Variants in SASH1 observed in about 807,000 individuals in gnomAD.
The protein encoded by SASH1 is SAM and SH3 domain-containing protein 1.
Under a neutral mutation model 125.2 loss-of-function variants are expected in SASH1, and 44 were observed. The observed-to-expected ratio is 0.35, with a 90% CI of 0.28 to 0.45. The LOEUF (loss-of-function observed/expected upper bound fraction) is 0.45. Ranked by LOEUF, SASH1 falls within the 20% of genes least tolerant of loss-of-function variation. SASH1 has a pLI of 1.00. For missense variants in SASH1, 1,426 were observed against 1,614.5 expected (o/e 0.88, Z 2.00); for synonymous variants, 639 against 649.1 (o/e 0.98, Z 0.24).
chr6:148,341,882 C>T (rs1781339126), upstream of SASH1, among the ~76,000 whole-genome samples: 1 of 152,128 alleles, frequency 6.6e-6, no homozygotes, highest in African/African-American at 2.4e-5. Context: ...TGCATTGTCA[C>T]CTTCCAAGGA....
chr6:148,309,169 G>A (rs180891783), intron 1 of SASH1, among the ~76,000 whole-genome samples: 5 of 152,036 alleles, frequency 3.3e-5, no homozygotes, highest in African/African-American at 1.2e-4. Flanking sequence ...TGCCTGGGGG[G>A]AAAAAAGAGT....
At chr6:148,539,443 A>G (rs567585268) in intron 16 of SASH1, among the ~76,000 whole-genome samples, 33 of 152,202 alleles carry the variant, frequency 2.2e-4, no homozygotes, top group African/African-American at 7.2e-4. Context: ...CTTACAAGTG[A>G]GACCGTGTGG....
rs5880793 is a variant in SASH1, at chr6:148,549,065, G to GAA, written c.*523_*524dup. The GAA allele has an allele frequency of 1.0e-3, 131 of 130,206 alleles. 1 individual carries two copies. The highest frequency in any genetic ancestry group is 4.2e-3 in the Middle Eastern group (1 of 238). The allele number at this position is 130,206 out of a possible 1,614,324, so 8.1% of individuals were successfully genotyped here. On this transcript the variant is annotated 3_prime_UTR_variant, in exon 20 of 20. Coordinates refer to ENST00000367467, the MANE Select transcript of SASH1 (RefSeq NM_015278.5). Reference sequence around the variant, plus strand: ...AAGTTAGAACATCTGGCTGCACCAGGAAAAAAAAAAAAAAAAAGTCCTGTT... The same window carrying GAA: ...AAGTTAGAACATCTGGCTGCACCAGGAAAAAAAAAAAAAAAAAAAGTCCTGTT...
chr6:148,405,755 AC>A (rs1467005491), intron 2 of SASH1, among the ~76,000 whole-genome samples: 1 of 151,650 alleles, frequency 6.6e-6, no homozygotes, highest in Non-Finnish European at 1.5e-5. Context: ...CATCTTAGAA[AC>A]CCCAGCTGGA....
chr6:148,536,320 G>GT (rs917017064), intron 16 of SASH1, among the ~76,000 whole-genome samples: 1 of 152,002 alleles, frequency 6.6e-6, no homozygotes, highest in Non-Finnish European at 1.5e-5. Context: ...AACAGCTGGG[G>GT]TTTTTGTTTT....
At chr6:148,363,845 A>G (rs1368941242) in intron 1 of SASH1, among the ~76,000 whole-genome samples, 1 of 152,142 alleles carries the variant, frequency 6.6e-6, no homozygotes, top group African/African-American at 2.4e-5. Context: ...AGGGTTAGCA[A>G]TGAAAGTAAA....
intron 8 of SASH1, among the ~76,000 whole-genome samples, chr6:148,496,703 G>A (rs999040526): frequency 5.9e-5 from 9 of 151,904 alleles, no homozygotes; most frequent in African/African-American, 1.7e-4. Context: ...ACCAGCATGG[G>A]ATCTACATAA....
chr6:148,514,286 A>G (rs753035734), intron 8 of SASH1, 38 bp from the exon 9 acceptor site: 1 of 1,589,342 alleles, frequency 6.3e-7, no homozygotes, highest in Non-Finnish European at 8.5e-7. Flanking sequence ...AGCTCGGAGC[A>G]ATTACCTGAT....
chr6:148,299,464 T>C (rs1444329508), intron 1 of SASH1, among the ~76,000 whole-genome samples: 1 of 151,926 alleles, frequency 6.6e-6, no homozygotes, highest in East Asian at 1.9e-4. Flanking sequence ...GTCAGGAGTT[T>C]GAGACCAGCC....
chr6:148,206,793 GCACACACACACA>G, the SASH1 span, among the ~76,000 whole-genome samples: 5 of 134,460 alleles, frequency 3.7e-5, no homozygotes, highest in African/African-American at 8.5e-5. Context: ...CCATCTCAAA[GCACACACACACA>G]CACACACACA....
intron 1 of SASH1, among the ~76,000 whole-genome samples, chr6:148,322,857 T>A (rs1250186504): frequency 6.6e-6 from 1 of 151,600 alleles, no homozygotes. Context: ...TGACCACCCA[T>A]CCAAATCATC....
the SASH1 span, among the ~76,000 whole-genome samples, chr6:148,204,687 C>G: frequency 3.3e-5 from 5 of 151,750 alleles, no homozygotes; most frequent in Non-Finnish European, 7.4e-5. Flanking sequence ...AGTGAAACTG[C>G]TTCTCAAAAA....
At chr6:148,329,055 A>C (rs1234948595) in intron 1 of SASH1, among the ~76,000 whole-genome samples, 1 of 152,198 alleles carries the variant, frequency 6.6e-6, no homozygotes, top group African/African-American at 2.4e-5. Context: ...CTGCCCCAAT[A>C]GGTGACCTCT....
At chr6:148,238,633 C>G in the SASH1 span, among the ~76,000 whole-genome samples, 3 of 49,408 alleles carry the variant, frequency 6.1e-5, no homozygotes, top group African/African-American at 9.6e-5. Context: ...CATACACACA[C>G]ACACACACAC....
chr6:148,297,687 G>C (rs181337603), intron 1 of SASH1, among the ~76,000 whole-genome samples: 1 of 152,204 alleles, frequency 6.6e-6, no homozygotes, highest in Non-Finnish European at 1.5e-5. Flanking sequence ...GAAATTAGCT[G>C]GGTGTGGCAG....
intron 1 of SASH1, among the ~76,000 whole-genome samples, chr6:148,302,686 AAT>A (rs1271420010): frequency 1.4e-5 from 2 of 146,076 alleles, no homozygotes; most frequent in African/African-American, 2.5e-5. Context: ...CACACGGAGA[AAT>A]ATATATATAC....
chr6:148,257,876 A>G, the SASH1 span, among the ~76,000 whole-genome samples: 3 of 151,932 alleles, frequency 2.0e-5, no homozygotes, highest in African/African-American at 4.8e-5. Flanking sequence ...TGATCCGCCC[A>G]CCTTGGCCTC....
intron 2 of SASH1, among the ~76,000 whole-genome samples, chr6:148,400,029 A>T (rs1784110574): frequency 6.6e-6 from 1 of 152,268 alleles, no homozygotes; most frequent in African/African-American, 2.4e-5. Flanking sequence ...TAGGCTATTT[A>T]AAAATGTTAA....
At position 148,323,501 on chromosome 6, in the gene SASH1, G is replaced by T. The variant is rs1051700748; in HGVS notation, n.74+51124G>T. Among the ~76,000 whole-genome samples the T allele has an allele frequency of 2.6e-5, 4 of 152,124 alleles. No individual in the cohort carries two copies. The East Asian group carries it at 7.7e-4, about 29-fold the overall frequency. ...GTGATTTCCTTTATCAAATACATAT[G>T]AATCTCTACTATGGGCCAGGCTGAC... On this transcript the variant is annotated intron_variant and non_coding_transcript_variant, in intron 1 of 3. Transcript: ENST00000367469.
Sources: allele counts gnomAD v4.1 joint callset (sites outside exome capture counted in the v4.1 genomes callset), GRCh38; gene constraint gnomAD v4.1.1; transcripts MANE v1.5; gene names NCBI Gene and HGNC (gene_info 2026-07-23, HGNC 2026-07-21).